The following CLVS1 variants were observed in gnomAD, a reference collection of about 807,000 sequenced individuals.
CLVS1 encodes the protein clavesin 1, also known as clavesin-1.
Under a neutral mutation model 33.1 loss-of-function variants are expected in CLVS1, and 10 were observed. The observed-to-expected ratio is 0.30, with a 90% confidence interval of 0.19 to 0.51. The LOEUF (loss-of-function observed/expected upper bound fraction) is 0.51. Among genes scored for constraint, CLVS1 ranks in the 20% least tolerant of loss-of-function variants. The probability of loss-of-function intolerance (pLI) is 0.97; values close to 1 mark genes in which losing one functional copy is unlikely to be tolerated. For synonymous variants in CLVS1, 163 were observed against 166.1 expected (o/e 0.98, Z 0.14); for missense variants, 343 against 433.4 (o/e 0.79, Z 1.85).
the CLVS1 span, among the ~76,000 whole-genome samples, chr8:61,000,062 T>C: frequency 6.6e-6 from 1 of 152,226 alleles, no homozygotes; most frequent in Non-Finnish European, 1.5e-5. Flanking sequence ...GGTCACCTTA[T>C]TTGAAATTCA....
At chr8:61,289,088 A>G (rs374295364) in intron 1 of CLVS1, among the ~76,000 whole-genome samples, 56 of 152,368 alleles carry the variant, frequency 3.7e-4, no homozygotes, top group African/African-American at 1.2e-3. Flanking sequence ...CCAAATGGCA[A>G]AAGTAGTAAT....
At chr8:61,283,288 T>G (rs930205464), upstream of CLVS1, among the ~76,000 whole-genome samples, 2 of 152,234 alleles carry the variant, frequency 1.3e-5, no homozygotes, top group Admixed American at 1.3e-4. Flanking sequence ...ACTCTTCCTT[T>G]TTGTCAAGAA....
intron 5 of CLVS1, among the ~76,000 whole-genome samples, chr8:61,471,570 T>C (rs1817738156): frequency 6.6e-6 from 1 of 152,148 alleles, no homozygotes; most frequent in African/African-American, 2.4e-5. Context: ...TTTTGTACCC[T>C]TGGAGCCCTG....
chr8:61,319,437 G>T (rs1290612792), intron 2 of CLVS1, among the ~76,000 whole-genome samples: 1 of 152,280 alleles, frequency 6.6e-6, no homozygotes, highest in Non-Finnish European at 1.5e-5. Context: ...AGACAGGAAG[G>T]CAATGTTCTC....
At chr8:61,112,179 TACAC>T (rs749547863) in intron 1 of CLVS1, among the ~76,000 whole-genome samples, 4,153 of 89,070 alleles carry the variant, frequency 0.047, 84 homozygotes, top group Middle Eastern at 0.11. Flanking sequence ...TTCTCCGTGC[TACAC>T]ACACACACAC....
the CLVS1 span, among the ~76,000 whole-genome samples, chr8:61,020,479 G>A: frequency 5.9e-5 from 9 of 152,360 alleles, no homozygotes; most frequent in African/African-American, 2.2e-4. Flanking sequence ...TAGCCCCTGA[G>A]AGGGAGGGTG....
intron 2 of CLVS1, among the ~76,000 whole-genome samples, chr8:61,231,502 G>T (rs917932568): frequency 6.6e-6 from 1 of 152,128 alleles, no homozygotes; most frequent in African/African-American, 2.4e-5. Context: ...TCAAGGTTGA[G>T]ACCCACTGCT....
chr8:61,498,437 T>G (rs1804344722), intron 5 of CLVS1, among the ~76,000 whole-genome samples: 1 of 152,264 alleles, frequency 6.6e-6, no homozygotes, highest in Non-Finnish European at 1.5e-5. Flanking sequence ...TATGTAAGTT[T>G]TACTTATTTG....
intron 2 of CLVS1, among the ~76,000 whole-genome samples, chr8:61,236,098 C>T (rs1286946314): frequency 6.6e-6 from 1 of 152,166 alleles, no homozygotes; most frequent in Non-Finnish European, 1.5e-5. Context: ...AATGAGTTGG[C>T]TGTGCCATAG....
At chr8:61,200,973 G>T (rs1395903321) in intron 2 of CLVS1, among the ~76,000 whole-genome samples, 3 of 152,104 alleles carry the variant, frequency 2.0e-5, no homozygotes, top group African/African-American at 7.2e-5. Flanking sequence ...TCAAGATATT[G>T]TTAGCCATAA....
chr8:61,285,953 C>A (rs760893953), upstream of CLVS1, among the ~76,000 whole-genome samples: 1 of 133,030 alleles, frequency 7.5e-6, no homozygotes, highest in African/African-American at 3.6e-5. Context: ...TTTTGTTTTC[C>A]CTGTAGTTTT....
chr8:61,477,460 A>T (rs1430459023), intron 5 of CLVS1, among the ~76,000 whole-genome samples: 1 of 152,298 alleles, frequency 6.6e-6, no homozygotes, highest in East Asian at 1.9e-4. Context: ...GCTATTAATT[A>T]TTGCCTCAAT....
intron 2 of CLVS1, among the ~76,000 whole-genome samples, chr8:61,306,369 T>C (rs547037072): frequency 6.6e-6 from 1 of 152,210 alleles, no homozygotes; most frequent in South Asian, 2.1e-4. Flanking sequence ...TCTTGCCCAC[T>C]TTTCTGTGGG....
intron 2 of CLVS1, among the ~76,000 whole-genome samples, chr8:61,356,394 G>T (rs887501173): frequency 2.6e-5 from 4 of 151,936 alleles, no homozygotes; most frequent in Non-Finnish European, 4.4e-5. Context: ...AGTTTCTTTT[G>T]CTATGCAGAA....
chr8:61,165,847 G>A (rs1806851667), intron 2 of CLVS1, among the ~76,000 whole-genome samples: 1 of 152,138 alleles, frequency 6.6e-6, no homozygotes, highest in Non-Finnish European at 1.5e-5. Flanking sequence ...GACTCTTTTT[G>A]TTGACAATAG....
rs75239324 is a variant in CLVS1, at chr8:61,312,064, G to A, written c.455+11782G>A. Among the ~76,000 whole-genome samples, 190 of 152,338 alleles carry A rather than the reference G, an allele frequency of 1.2e-3. 1 individual carries two copies. The highest frequency in any genetic ancestry group is 8.3e-3 in the East Asian group (43 of 5,186). On this transcript the variant is annotated intron_variant, in intron 2 of 5. Coordinates refer to ENST00000325897, the MANE Select transcript of CLVS1 (RefSeq NM_173519.3). ...TTATGAGGCCTTTTCTTGCACTGAA[G>A]CTCTTCTGGGCTATTCATTGCTTTC...
At chr8:61,367,003 T>A (rs1813236978) in intron 2 of CLVS1, among the ~76,000 whole-genome samples, 1 of 152,176 alleles carries the variant, frequency 6.6e-6, no homozygotes, top group African/African-American at 2.4e-5. Context: ...CCTACCTGAC[T>A]TAGTTCCTTC....
intron 2 of CLVS1, among the ~76,000 whole-genome samples, chr8:61,254,983 G>A (rs567127982): frequency 1.3e-4 from 20 of 152,276 alleles, no homozygotes; most frequent in East Asian, 3.9e-4. Flanking sequence ...GAAATCATTC[G>A]TCTTCTGCAT....
chr8:61,112,621 G>A (rs1227870225), intron 1 of CLVS1, among the ~76,000 whole-genome samples: 1 of 152,196 alleles, frequency 6.6e-6, no homozygotes, highest in Non-Finnish European at 1.5e-5. Context: ...TAAGGTACTT[G>A]TTGCCTCACT....
Sources: allele counts gnomAD v4.1 joint callset (sites outside exome capture counted in the v4.1 genomes callset), GRCh38; gene constraint gnomAD v4.1.1; transcripts MANE v1.5; gene names NCBI Gene and HGNC (gene_info 2026-07-23, HGNC 2026-07-21).